Variants in GABRG3 observed in about 807,000 individuals in gnomAD.
GABRG3 encodes the protein gamma-aminobutyric acid type A receptor subunit gamma3, also known as gamma-aminobutyric acid receptor subunit gamma-3.
Under a neutral mutation model 48.8 loss-of-function variants are expected in GABRG3, and 25 were observed. The observed-to-expected ratio is 0.51, with a 90% CI of 0.37 to 0.72. The LOEUF (loss-of-function observed/expected upper bound fraction) is 0.72. GABRG3 is among the 30% of genes least tolerant of loss of function. GABRG3 has a pLI of 0.00. For synonymous variants in GABRG3, 227 were observed against 217.6 expected (o/e 1.04, Z -0.38); for missense variants, 394 against 577.9 (o/e 0.68, Z 3.26).
chr15:27,194,642 T>A (rs1014622841), intron 3 of GABRG3, among the ~76,000 whole-genome samples: 3 of 152,244 alleles, frequency 2.0e-5, no homozygotes, highest in African/African-American at 4.8e-5. Flanking sequence ...TTGCATTTTT[T>A]AAACCTATAT....
At chr15:27,157,921 C>T (rs1206334357) in intron 3 of GABRG3, 1 of 152,218 alleles carries the variant, frequency 6.6e-6, no homozygotes, top group Non-Finnish European at 1.5e-5. Flanking sequence ...CATTCATACT[C>T]CATGGAATCC....
intron 3 of GABRG3, among the ~76,000 whole-genome samples, chr15:27,058,891 G>C (rs367946356): frequency 6.6e-6 from 1 of 152,222 alleles, no homozygotes; most frequent in East Asian, 1.9e-4. Context: ...AAAGCTCTTA[G>C]ACTAAATGCA....
rs1032773273 is a variant in GABRG3, at chr15:27,067,108, C to T, written c.270+40287C>T. On this transcript the variant is annotated intron_variant, in intron 3 of 9. Transcript: ENST00000615808. The stretch of plus-strand genomic sequence containing the variant: ...AGCACAGCCCTGCCCAGCCTCCCTG[C>T]GGCTGCACCTTTGCCGTGGAGGGAG... 9.8e-5 allele frequency among the ~76,000 whole-genome samples: 15 copies of T among 152,316 alleles called. 1 individual carries two copies. The highest frequency in any genetic ancestry group is 6.5e-5 in the Admixed American group (1 of 15,310).
chr15:26,988,892 C>G (rs1164822081), intron 2 of GABRG3, among the ~76,000 whole-genome samples: 1 of 152,050 alleles, frequency 6.6e-6, no homozygotes, highest in Non-Finnish European at 1.5e-5. Context: ...TTTATTTTGC[C>G]TGTGTGAAAA....
At chr15:27,387,991 TAAGGAAGGAAGG>T (rs200059693) in intron 5 of GABRG3, among the ~76,000 whole-genome samples, 1 of 20,578 alleles carries the variant, frequency 4.9e-5, no homozygotes, top group Non-Finnish European at 8.8e-5. Context: ...GGAGGGAGGG[TAAGGAAGGAAGG>T]AAGGAAGGAA....
intron 3 of GABRG3, among the ~76,000 whole-genome samples, chr15:27,049,160 C>A (rs966282213): frequency 1.3e-5 from 2 of 152,236 alleles, no homozygotes; most frequent in Non-Finnish European, 2.9e-5. Context: ...GCTCTGGTGT[C>A]TCTCTCTTGA....
chr15:27,239,673 AT>A (rs1357616162), intron 3 of GABRG3, among the ~76,000 whole-genome samples: 1 of 152,148 alleles, frequency 6.6e-6, no homozygotes, highest in Non-Finnish European at 1.5e-5. Flanking sequence ...ATTGATAAAA[AT>A]TTTTCCCAAG....
chr15:27,449,835 A>G (rs1246056751), intron 5 of GABRG3, among the ~76,000 whole-genome samples: 1 of 152,238 alleles, frequency 6.6e-6, no homozygotes, highest in South Asian at 2.1e-4. Flanking sequence ...GTGAAGTTCA[A>G]TTAGAAATAA....
chr15:27,202,054 A>G (rs745466662), intron 3 of GABRG3, among the ~76,000 whole-genome samples: 2 of 152,306 alleles, frequency 1.3e-5, no homozygotes, highest in Non-Finnish European at 1.5e-5. Flanking sequence ...TCATTTTGCT[A>G]TCACCTTTTT....
chr15:27,258,289 A>G (rs1207635229), intron 3 of GABRG3, among the ~76,000 whole-genome samples: 2 of 152,220 alleles, frequency 1.3e-5, no homozygotes, highest in African/African-American at 2.4e-5. Context: ...CATAAACAAT[A>G]GTAATGAAAG....
At chr15:27,110,383 G>A (rs1897526972) in intron 3 of GABRG3, among the ~76,000 whole-genome samples, 1 of 151,706 alleles carries the variant, frequency 6.6e-6, no homozygotes, top group African/African-American at 2.4e-5. Flanking sequence ...TACTGTTATT[G>A]CTTCAAAGTT....
intron 3 of GABRG3, among the ~76,000 whole-genome samples, chr15:27,239,985 A>G (rs779237741): frequency 2.0e-5 from 3 of 152,210 alleles, no homozygotes; most frequent in Non-Finnish European, 4.4e-5. Flanking sequence ...TTGGTTATGC[A>G]GCGGATGTTA....
chr15:27,047,004 T>C (rs1339861694), intron 3 of GABRG3, among the ~76,000 whole-genome samples: 2 of 152,236 alleles, frequency 1.3e-5, no homozygotes, highest in African/African-American at 4.8e-5. Flanking sequence ...TCCTCTGGGA[T>C]GGTGAAAGAC....
chr15:27,265,067 A>G (rs1292785722), intron 3 of GABRG3, among the ~76,000 whole-genome samples: 4 of 152,108 alleles, frequency 2.6e-5, no homozygotes, highest in Non-Finnish European at 5.9e-5. Flanking sequence ...ACAACCTTAT[A>G]ATAATTAAAA....
At chr15:27,013,095 A>G (rs1352097875) in intron 2 of GABRG3, among the ~76,000 whole-genome samples, 1 of 152,172 alleles carries the variant, frequency 6.6e-6, no homozygotes, top group African/African-American at 2.4e-5. Context: ...ATCAGCTGTA[A>G]TGGAATCATA....
At chr15:27,255,875 G>A (rs911035409) in intron 3 of GABRG3, among the ~76,000 whole-genome samples, 16 of 150,540 alleles carry the variant, frequency 1.1e-4, no homozygotes, top group Non-Finnish European at 4.4e-5. Flanking sequence ...CCCTAGAAAC[G>A]GGAAGAGCAT....
At chr15:27,499,954 A>T (rs1890578486) in intron 6 of GABRG3, among the ~76,000 whole-genome samples, 1 of 152,232 alleles carries the variant, frequency 6.6e-6, no homozygotes, top group Non-Finnish European at 1.5e-5. Context: ...GGGCTGCTTG[A>T]GAGCCAAGTC....
chr15:27,026,077 A>G (rs934050207), intron 2 of GABRG3, among the ~76,000 whole-genome samples: 2 of 152,238 alleles, frequency 1.3e-5, no homozygotes, highest in Admixed American at 1.3e-4. Flanking sequence ...GGCGTTAGAG[A>G]GATCAACCTG....
At position 27,305,493 on chromosome 15, in the gene GABRG3, T is replaced by A. The variant is rs142253481; in HGVS notation, c.271-21316T>A. ...GTGTGTGTGGTCTGTGTGTTTTTTA[T>A]ATATATATAAACATATATAAACATA... On this transcript the variant is annotated intron_variant, in intron 3 of 9. Transcript: ENST00000615808. 1.3e-3 allele frequency among the ~76,000 whole-genome samples: 187 copies of A among 147,344 alleles called. 1 individual carries two copies. The highest frequency in any genetic ancestry group is 4.5e-3 in the African/African-American group (182 of 40,652).
Sources: gnomAD v4.1 joint callset for allele counts (sites outside exome capture counted in the v4.1 genomes callset) on GRCh38, gnomAD v4.1.1 for gene constraint, MANE v1.5 for transcripts, NCBI Gene and HGNC (gene_info 2026-07-23, HGNC 2026-07-21) for gene names.